Variants in RIMS2 observed in about 807,000 individuals in gnomAD.
The protein encoded by RIMS2 is regulating synaptic membrane exocytosis 2.
RIMS2 carries 59 observed loss-of-function variants against 174.4 expected under a neutral mutation model. The ratio of observed to expected loss-of-function variants is 0.34; its 90% CI spans 0.27 to 0.42. The LOEUF is 0.42. Among genes scored for constraint, RIMS2 ranks in the 10% least tolerant of loss-of-function variants. The probability of loss-of-function intolerance (pLI) is 1.00; values close to 1 mark genes in which losing one functional copy is unlikely to be tolerated. For synonymous variants in RIMS2, 606 were observed against 572.5 expected, an observed-to-expected ratio of 1.06 and a Z score of -0.84; for missense variants, 1,620 against 1,666.3, an observed-to-expected ratio of 0.97 and a Z score of 0.48.
chr8:103,588,400 G>A (rs750835816), intron 1 of RIMS2, among the ~76,000 whole-genome samples: 3 of 151,650 alleles, frequency 2.0e-5, no homozygotes, highest in Non-Finnish European at 4.4e-5. Flanking sequence ...CACAGAAATA[G>A]AATATTATCC....
chr8:103,590,229 T>TAAAAAC (rs1352396074), intron 1 of RIMS2, among the ~76,000 whole-genome samples: 1 of 151,148 alleles, frequency 6.6e-6, no homozygotes, highest in East Asian at 1.9e-4. Flanking sequence ...CCACAAAAAT[T>TAAAAAC]AAAAACAAAA....
At chr8:103,965,183 T>C (rs1267728786) in intron 15 of RIMS2, among the ~76,000 whole-genome samples, 1 of 152,158 alleles carries the variant, frequency 6.6e-6, no homozygotes, top group Non-Finnish European at 1.5e-5. Context: ...GTTATCAGAC[T>C]CCACAAATTG....
chr8:103,925,877 T>A (rs2078673248), intron 10 of RIMS2, among the ~76,000 whole-genome samples: 2 of 151,594 alleles, frequency 1.3e-5, no homozygotes, highest in African/African-American at 2.4e-5. Context: ...CTGAATTGTA[T>A]ACTTTAAAAT....
At chr8:103,918,418 C>T (rs886791065) in intron 8 of RIMS2, 23 bp from the exon 12 acceptor site, 82 of 1,138,944 alleles carry the variant, frequency 7.2e-5, no homozygotes, top group African/African-American at 8.8e-5. Flanking sequence ...TTCTGTCTTT[C>T]TTTTTTTTTT....
chr8:104,098,888 G>A (rs1162619756), intron 19 of RIMS2, among the ~76,000 whole-genome samples: 3 of 152,112 alleles, frequency 2.0e-5, no homozygotes, highest in Non-Finnish European at 4.4e-5. Flanking sequence ...AATTTTAAAG[G>A]GGAAGCAGAG....
intron 3 of RIMS2, among the ~76,000 whole-genome samples, chr8:103,872,500 T>C (rs376388298): frequency 8.2e-4 from 125 of 152,338 alleles, no homozygotes; most frequent in African/African-American, 2.8e-3. Flanking sequence ...TAAAGAAGTT[T>C]ATGTTTTTCT....
At chr8:103,665,950 T>G (rs1426184638) in intron 1 of RIMS2, among the ~76,000 whole-genome samples, 2 of 152,172 alleles carry the variant, frequency 1.3e-5, no homozygotes, top group Non-Finnish European at 2.9e-5. Context: ...CAGTAACAGT[T>G]TTCTTATATA....
In RIMS2 at chr8:103,933,334, C is replaced by CAA. The variant is rs1554995834; in HGVS notation, c.2375+1942_2375+1943dup. Among the ~76,000 whole-genome samples, 115 of 124,532 alleles carry CAA rather than the reference C, an allele frequency of 9.2e-4. 4 individuals are homozygous for CAA. Among genetic ancestry groups the CAA allele is most frequent in the Admixed American group, 8.7e-3 (114 of 13,064 alleles). 81.7% of individuals were successfully genotyped at this position (124,532 alleles called of 152,430 possible). ...ACACACACACACACACACACACACA[C>CAA]AATTAGCCAGGAGTGGTGGCAGGTG... On this transcript the variant is annotated intron_variant, in intron 12 of 23. Coordinates refer to ENST00000504942, the Ensembl canonical transcript of RIMS2.
chr8:104,201,832 T>C (rs1052959740), intron 19 of RIMS2, among the ~76,000 whole-genome samples: 3 of 152,130 alleles, frequency 2.0e-5, no homozygotes, highest in Admixed American at 2.0e-4. Flanking sequence ...TGTAGAAAAA[T>C]TAATTTCAAA....
intron 1 of RIMS2, among the ~76,000 whole-genome samples, chr8:103,534,827 C>T (rs1271563136): frequency 6.6e-6 from 1 of 152,148 alleles, no homozygotes; most frequent in African/African-American, 2.4e-5. Flanking sequence ...TCTGTTAGCA[C>T]TACACATTAT....
intron 19 of RIMS2, among the ~76,000 whole-genome samples, chr8:104,088,919 G>A (rs1366001628): frequency 6.6e-6 from 1 of 151,838 alleles, no homozygotes; most frequent in Admixed American, 6.6e-5. Flanking sequence ...TAGATATATA[G>A]GAAGAACATT....
intron 19 of RIMS2, among the ~76,000 whole-genome samples, chr8:104,091,005 A>G (rs2097646453): frequency 6.6e-6 from 1 of 151,710 alleles, no homozygotes; most frequent in African/African-American, 2.4e-5. Flanking sequence ...ATCACTTGTT[A>G]TGTGTCAGAT....
At chr8:103,829,090 T>G (rs2098809395) in intron 3 of RIMS2, among the ~76,000 whole-genome samples, 2 of 151,026 alleles carry the variant, frequency 1.3e-5, no homozygotes. Flanking sequence ...TAATAGGTTT[T>G]TTTTTTTTTT....
intron 19 of RIMS2, among the ~76,000 whole-genome samples, chr8:104,159,527 T>C (rs970369737): frequency 6.6e-5 from 10 of 152,196 alleles, no homozygotes; most frequent in Admixed American, 3.9e-4. Flanking sequence ...AAGTTTATAT[T>C]CCCACCAGTA....
intron 10 of RIMS2, 60 bp downstream of exon 13, chr8:103,921,844 G>C (rs2077726954): frequency 1.5e-6 from 1 of 688,090 alleles, no homozygotes; most frequent in Non-Finnish European, 2.6e-6. Flanking sequence ...TTTAAAATAT[G>C]ATGCTTGTTT....
intron 19 of RIMS2, among the ~76,000 whole-genome samples, chr8:104,219,054 T>G (rs1468363030): frequency 6.6e-6 from 1 of 152,236 alleles, no homozygotes; most frequent in South Asian, 2.1e-4. Flanking sequence ...GGTGATTTTT[T>G]AAAAACTATT....
At chr8:103,517,495 C>A (rs764517037) in intron 1 of RIMS2, among the ~76,000 whole-genome samples, 9 of 152,132 alleles carry the variant, frequency 5.9e-5, no homozygotes, top group Non-Finnish European at 1.0e-4. Context: ...TTGACCTGCA[C>A]CAGTACAGAG....
At chr8:104,184,496 G>A (rs577445495) in intron 19 of RIMS2, among the ~76,000 whole-genome samples, 1 of 151,522 alleles carries the variant, frequency 6.6e-6, no homozygotes, top group African/African-American at 2.4e-5. Context: ...TCTAAACAAT[G>A]TTTTTATTGA....
At chr8:104,221,204 CTT>C (rs35961757) in intron 19 of RIMS2, among the ~76,000 whole-genome samples, 4 of 152,042 alleles carry the variant, frequency 2.6e-5, no homozygotes, top group African/African-American at 7.2e-5. Flanking sequence ...GTTTTTCAAA[CTT>C]TTTCAAAAGT....
Sources: gnomAD v4.1 joint callset for allele counts (sites outside exome capture counted in the v4.1 genomes callset) on GRCh38, gnomAD v4.1.1 for gene constraint, MANE v1.5 for transcripts, NCBI Gene and HGNC (gene_info 2026-07-23, HGNC 2026-07-21) for gene names.